The following TCEANC2 variants were observed in gnomAD, a reference collection of about 807,000 sequenced individuals.
The protein encoded by TCEANC2 is transcription elongation factor A N-terminal and central domain containing 2.
A neutral mutation model predicts 22.8 loss-of-function variants in TCEANC2; 20 were observed. The observed-to-expected ratio is 0.88, with a 90% confidence interval of 0.62 to 1.28. TCEANC2 has a LOEUF of 1.28. TCEANC2 is among the 50% of genes most tolerant of loss of function. The pLI is 0.00. For synonymous variants in TCEANC2, 84 were observed against 95.5 expected (o/e 0.88, Z 0.70); for missense variants, 251 against 249.7 (o/e 1.01, Z -0.03).
At chr1:54,070,140 A>T (rs1247332591) in intron 3 of TCEANC2, among the ~76,000 whole-genome samples, 1 of 152,230 alleles carries the variant, frequency 6.6e-6, no homozygotes, top group African/African-American at 2.4e-5. Flanking sequence ...TATAAACCAG[A>T]ATCTGAGAAA....
Position 54,096,229 on chromosome 1 carries a change from G to A in TCEANC2, c.439-56G>A. 6.5e-7 allele frequency: 1 copy of A among 1,535,006 alleles called. No homozygotes were observed. Among genetic ancestry groups the A allele is most frequent in the Non-Finnish European group, 8.8e-7 (1 of 1,131,784 alleles). ...TGAGCAGAGTGCTCCAGCCTCTCTTGCTTTTAATCCTTACGCAATGTAAGG... is the reference window on the plus strand; with the variant it reads ...TGAGCAGAGTGCTCCAGCCTCTCTTACTTTTAATCCTTACGCAATGTAAGG... On this transcript the variant is annotated intron_variant, in intron 4 of 4. Transcript: ENST00000234827. The surrounding 1 kb of genome is among the most constrained non-coding windows in gnomAD (Gnocchi z 4.9).
chr1:54,102,230 A>C lies in TCEANC2; in HGVS notation c.*5757A>C, dbSNP rs1658675011. On this transcript the variant is annotated 3_prime_UTR_variant, in exon 5 of 5. Transcript: ENST00000234827. ...GCTCCAGGCTACAACACAAGTGGCC[A>C]TGCGGTGTGGGACAGATGAGCTGGC... 1 of 152,254 alleles carries C rather than the reference A, an allele frequency of 6.6e-6. No individual in the cohort carries two copies. The highest frequency in any genetic ancestry group is 2.4e-5 in the African/African-American group (1 of 41,472). 9.4% of individuals were successfully genotyped at this position (152,254 alleles called of 1,614,324 possible). A position where few individuals can be genotyped will look rare whatever the true frequency, so the allele number is the denominator to read the frequency against.
chr1:54,080,871 G>A (rs1658229636), intron 3 of TCEANC2, among the ~76,000 whole-genome samples: 1 of 152,186 alleles, frequency 6.6e-6, no homozygotes, highest in Non-Finnish European at 1.5e-5. Flanking sequence ...TAAACTTCAT[G>A]GAGCAAATAA....
intron 4 of TCEANC2, among the ~76,000 whole-genome samples, chr1:54,094,352 G>C (rs960673457): frequency 1.3e-5 from 2 of 151,974 alleles, no homozygotes; most frequent in Non-Finnish European, 2.9e-5. Context: ...TTTTATTTGG[G>C]GTGTGTTTTT....
At chr1:54,112,344 G>A (rs1357523032) in exon 5 of TCEANC2, 2 of 152,134 alleles carry the variant, frequency 1.3e-5, no homozygotes, top group Admixed American at 6.6e-5. Context: ...CAGCCTGGGC[G>A]ACAGAGACCC....
At chr1:54,091,848 C>T (rs867180896) in intron 4 of TCEANC2, among the ~76,000 whole-genome samples, 23 of 152,240 alleles carry the variant, frequency 1.5e-4, no homozygotes, top group African/African-American at 4.1e-4. Context: ...TCCTACCTCA[C>T]GGCCTGTGAT....
In TCEANC2 at chr1:54,096,322, C is replaced by T. The variant is rs965951920; in HGVS notation, c.476C>T (p.Thr159Met). 1.9e-6 allele frequency: 3 copies of T among 1,602,196 alleles called. No homozygotes were observed. Among genetic ancestry groups the T allele is most frequent in the African/African-American group, 2.7e-5 (2 of 74,750 alleles). Reference protein sequence around the residue: ...HLLVENIERETFHLCSRLING... With the variant: ...HLLVENIEREMFHLCSRLING... ...CTGGTTGAAAATATTGAACGGGAAA[C>T]GTTTCATCTCTGCTCCCGCCTCATT... The change falls in exon 5 of 5, where the codon ACG becomes ATG. Residue 159 changes from threonine to methionine, a missense_variant. Transcript: ENST00000234827. The surrounding 1 kb of genome is among the most constrained non-coding windows in gnomAD (Gnocchi z 4.9).
intron 4 of TCEANC2, among the ~76,000 whole-genome samples, chr1:54,093,807 C>G (rs1025094880): frequency 7.9e-5 from 12 of 151,248 alleles, no homozygotes; most frequent in Admixed American, 4.6e-4. Context: ...ACACATATAC[C>G]CTTCTTCTTT....
chr1:54,059,267 C>A (rs145503514), intron 2 of TCEANC2, among the ~76,000 whole-genome samples: 1,659 of 152,110 alleles, frequency 0.011, 18 homozygotes, highest in Non-Finnish European at 0.015. Context: ...ATTCTCCTGC[C>A]TCAGCCTCCC....
intron 3 of TCEANC2, among the ~76,000 whole-genome samples, chr1:54,073,816 G>A (rs896281558): frequency 3.9e-5 from 6 of 152,206 alleles, no homozygotes; most frequent in Admixed American, 3.9e-4. Context: ...GGCCTGGATG[G>A]AGTATCAATC....
intron 3 of TCEANC2, among the ~76,000 whole-genome samples, chr1:54,069,469 ATGGTGGTCCG>A: frequency 6.6e-6 from 1 of 152,214 alleles, no homozygotes. Flanking sequence ...TTAGCCAGAC[ATGGTGGTCCG>A]TGCCTGTAAT....
intron 2 of TCEANC2, among the ~76,000 whole-genome samples, chr1:54,062,446 A>G (rs1347577954): frequency 1.3e-5 from 2 of 152,242 alleles, no homozygotes; most frequent in African/African-American, 4.8e-5. Flanking sequence ...AAAATTTCAT[A>G]TCTGAAAACT....
chr1:54,096,497 GC>G lies in TCEANC2; in HGVS notation c.*26del, dbSNP rs1658557718. 8 of 1,576,146 alleles carry G rather than the reference GC, an allele frequency of 5.1e-6. No individual in the cohort carries two copies. Among genetic ancestry groups the G allele is most frequent in the Non-Finnish European group, 6.9e-6 (8 of 1,151,300 alleles). ...GACCTGAGGACGGTTCCAGCCCTGGGCCAGGCAGAGAGGAAAATGGGCCTGT... is the reference window on the plus strand; with the variant it reads ...GACCTGAGGACGGTTCCAGCCCTGGGCAGGCAGAGAGGAAAATGGGCCTGT... On this transcript the variant is annotated 3_prime_UTR_variant, in exon 5 of 5. Transcript: ENST00000234827. This position sits in a 1 kb window ranked among gnomAD's most constrained non-coding sequence, Gnocchi z 4.9.
intron 4 of TCEANC2, among the ~76,000 whole-genome samples, chr1:54,095,693 G>GA (rs144048265): frequency 0.012 from 1,899 of 152,302 alleles, 33 homozygotes; most frequent in African/African-American, 0.044. Flanking sequence ...TTAGTATGGT[G>GA]AAAGGGAAGA....
At position 54,104,580 on chromosome 1, in the gene TCEANC2, C is replaced by T. The variant is rs1302834586; in HGVS notation, c.*8107C>T. The T allele has an allele frequency of 8.8e-6, 4 of 454,436 alleles. No individual in the cohort carries two copies. Among genetic ancestry groups the T allele is most frequent in the African/African-American group, 6.0e-5 (3 of 49,932 alleles). The allele number at this position is 454,436 out of a possible 1,614,324, so 28.2% of individuals were successfully genotyped here. On this transcript the variant is annotated 3_prime_UTR_variant, in exon 5 of 5. Coordinates refer to ENST00000234827, the MANE Select transcript of TCEANC2 (RefSeq NM_153035.3). ...TCTTTTTCAGAGGTGGAGTCTCTGT[C>T]ACCCAGGCTGGAGTGCAGTGGCACC...
chr1:54,054,323 A>G (rs1657696110), intron 1 of TCEANC2, 58 bp from the exon 2 acceptor site: 8 of 1,532,974 alleles, frequency 5.2e-6, no homozygotes, highest in South Asian at 1.2e-5. Flanking sequence ...TACTTTGGGG[A>G]AAAAATATCA....
chr1:54,077,430 A>G (rs1658163152), intron 3 of TCEANC2, among the ~76,000 whole-genome samples: 1 of 136,548 alleles, frequency 7.3e-6, no homozygotes, highest in Admixed American at 8.3e-5. Context: ...CTCTCAGGAC[A>G]CAAGTAATTT....
At chr1:54,093,656 C>T (rs182726742) in intron 4 of TCEANC2, among the ~76,000 whole-genome samples, 123 of 151,902 alleles carry the variant, frequency 8.1e-4, no homozygotes, top group Non-Finnish European at 8.5e-4. Context: ...TCTCTAAGAG[C>T]AGGCTAGACC....
At chr1:54,068,709 T>G in intron 2 of TCEANC2, 47 bp from the exon 3 acceptor site, 1 of 1,564,252 alleles carries the variant, frequency 6.4e-7, no homozygotes, top group Non-Finnish European at 8.6e-7. Flanking sequence ...GCAGATGTCT[T>G]TCTAATGAAA....
Sources: gnomAD v4.1 joint callset for allele counts (sites outside exome capture counted in the v4.1 genomes callset) on GRCh38, gnomAD v4.1.1 for gene constraint, Gnocchi (gnomAD v3.1) non-coding constraint, MANE v1.5 for transcripts, NCBI Gene and HGNC (gene_info 2026-07-23, HGNC 2026-07-21) for gene names.